Variants in FBXO47 observed in about 807,000 individuals in gnomAD.
FBXO47 encodes F-box only protein 47.
A neutral mutation model predicts 53.9 loss-of-function variants in FBXO47; 34 were observed. The observed-to-expected ratio is 0.63, with a 90% CI of 0.48 to 0.84. The LOEUF (loss-of-function observed/expected upper bound fraction) is 0.84. Among genes scored for constraint, FBXO47 ranks in the 40% least tolerant of loss-of-function variants. The pLI is 0.00. For missense variants in FBXO47, 485 were observed against 541.3 expected (o/e 0.90, Z 1.03); for synonymous variants, 165 against 181.6 (o/e 0.91, Z 0.73).
At chr17:38,965,709 T>TAAAAAAAAAAAAAA in intron 1 of FBXO47, among the ~76,000 whole-genome samples, 2 of 61,616 alleles carry the variant, frequency 3.2e-5, no homozygotes, top group African/African-American at 6.1e-5. Flanking sequence ...CCTTCTCTAC[T>TAAAAAAAAAAAAAA]AAAAAAAAAA....
chr17:38,950,270 A>C (rs1038173101), intron 6 of FBXO47, among the ~76,000 whole-genome samples: 1 of 151,782 alleles, frequency 6.6e-6, no homozygotes, highest in African/African-American at 2.4e-5. Context: ...AGAATCATGT[A>C]ATATTTGTCC....
In FBXO47 at chr17:38,945,610, C is replaced by T. The variant is rs149457418; in HGVS notation, c.617-474G>A. 8.9e-3 allele frequency among the ~76,000 whole-genome samples: 1,349 copies of T among 151,928 alleles called. 26 individuals carry two copies. Among genetic ancestry groups the T allele is most frequent in the African/African-American group, 0.031 (1,304 of 41,422 alleles). ...GGTCAGGAGTTCAAGACCAGCCTGG[C>T]CAATATGGCGAAACCCTGTCTCTAC... On this transcript the variant is annotated intron_variant, in intron 6 of 10. Transcript: ENST00000378079.
chr17:38,941,583 C>T (rs1459246267), intron 9 of FBXO47, among the ~76,000 whole-genome samples: 1 of 141,814 alleles, frequency 7.1e-6, no homozygotes, highest in African/African-American at 2.6e-5. Context: ...GCACTCAATA[C>T]AAATTTGTGT....
chr17:38,942,804 C>A lies in FBXO47; in HGVS notation c.1057G>T (p.Ala353Ser), dbSNP rs930005133. The A allele has an allele frequency of 1.2e-6, 2 of 1,611,058 alleles. No homozygotes were observed. The highest frequency in any genetic ancestry group is 1.1e-5 in the South Asian group (1 of 90,192). Reference protein sequence around the residue: ...KAVNGRTIELARLVVFLALVC... With the variant: ...KAVNGRTIELSRLVVFLALVC... ...AAAGCCAAAAAGACTACGAGCCTTG[C>A]CAGTTCAATGGTGCGTCCATTCACA... The change falls in exon 9 of 11, where the codon GCA (alanine) becomes TCA (serine). Residue 353 changes from alanine to serine, a missense_variant. Ala to Ser is a moderately conservative substitution (Grantham distance 99). Transcript: ENST00000378079.
intron 6 of FBXO47, among the ~76,000 whole-genome samples, chr17:38,946,387 T>G (rs1414485794): frequency 2.2e-5 from 2 of 92,432 alleles, no homozygotes; most frequent in Admixed American, 1.7e-4. Flanking sequence ...TATAAATATA[T>G]ATATCTATAT....
intron 1 of FBXO47, among the ~76,000 whole-genome samples, chr17:38,965,726 A>AAAAAAAAAAG (rs1906076454): frequency 7.0e-6 from 1 of 143,174 alleles, no homozygotes; most frequent in Non-Finnish European, 1.5e-5. Context: ...AAAAAAAAAA[A>AAAAAAAAAAG]AAAAAAATTA....
At chr17:38,937,377 GAC>G (rs143729849) in intron 10 of FBXO47, 87 bp from the exon 11 acceptor site, 314 of 448,524 alleles carry the variant, frequency 7.0e-4, no homozygotes, top group African/African-American at 6.0e-3. Flanking sequence ...TAATTTTTGA[GAC>G]ACAGTCTCCC....
At chr17:38,937,603 C>T (rs577813405) in intron 10 of FBXO47, among the ~76,000 whole-genome samples, 5 of 151,934 alleles carry the variant, frequency 3.3e-5, no homozygotes, top group African/African-American at 7.3e-5. Flanking sequence ...GTGATCCACC[C>T]GCCTTATACG....
At chr17:38,958,019 C>T (rs768664291) in intron 3 of FBXO47, among the ~76,000 whole-genome samples, 7 of 151,982 alleles carry the variant, frequency 4.6e-5, no homozygotes, top group African/African-American at 1.2e-4. Context: ...TTTTTAGTGA[C>T]GAGGTTTCAC....
chr17:38,945,292 C>T (rs961164576), intron 6 of FBXO47, among the ~76,000 whole-genome samples, 156 bp from the exon 7 acceptor site: 16 of 152,048 alleles, frequency 1.1e-4, no homozygotes, highest in African/African-American at 3.6e-4. Context: ...CTTAAACTCC[C>T]CTAACTTCAT....
chr17:38,939,293 CAAAAAAAAAAAAAAAAA>C (rs1218321299), intron 9 of FBXO47, among the ~76,000 whole-genome samples: 1 of 34,862 alleles, frequency 2.9e-5, no homozygotes, highest in Non-Finnish European at 4.4e-5. Context: ...ACTCCATCTC[CAAAAAAAAAAAAAAAAA>C]AAAAAAAAAA....
At chr17:38,941,800 A>T (rs1904525408) in intron 9 of FBXO47, among the ~76,000 whole-genome samples, 1 of 151,110 alleles carries the variant, frequency 6.6e-6, no homozygotes, top group South Asian at 2.1e-4. Context: ...CAGCCTCCTG[A>T]GTAGCTGGGA....
chr17:38,964,664 A>AAAAC (rs370428806), intron 1 of FBXO47, among the ~76,000 whole-genome samples: 46 of 152,130 alleles, frequency 3.0e-4, no homozygotes, highest in East Asian at 1.7e-3. Context: ...TTGGTCTCGA[A>AAAAC]AAACAAACAA....
chr17:38,945,793 G>A (rs1055971346), intron 6 of FBXO47, among the ~76,000 whole-genome samples: 20 of 151,162 alleles, frequency 1.3e-4, no homozygotes, highest in Admixed American at 6.0e-4. Context: ...AAAATAAGCC[G>A]GGAGTGATGG....
chr17:38,964,801 T>C (rs908789444), intron 1 of FBXO47, among the ~76,000 whole-genome samples: 1 of 152,190 alleles, frequency 6.6e-6, no homozygotes, highest in Admixed American at 6.5e-5. Flanking sequence ...AAATCACTGA[T>C]TATTTACTTA....
chr17:38,965,726 A>AAAAAAAAAG (rs1906076454), intron 1 of FBXO47, among the ~76,000 whole-genome samples: 1 of 143,174 alleles, frequency 7.0e-6, no homozygotes, highest in African/African-American at 2.5e-5. Flanking sequence ...AAAAAAAAAA[A>AAAAAAAAAG]AAAAAAATTA....
intron 6 of FBXO47, among the ~76,000 whole-genome samples, chr17:38,946,298 ATATATATAAATATATAAAT>A (rs1904809877): frequency 2.0e-5 from 1 of 49,986 alleles, no homozygotes; most frequent in Non-Finnish European, 4.0e-5. Context: ...ATATATAAAA[ATATATATAAATATATAAAT>A]ATATATAAAT....
At chr17:38,953,726 T>C (rs1448866075) in intron 5 of FBXO47, among the ~76,000 whole-genome samples, 3 of 152,152 alleles carry the variant, frequency 2.0e-5, no homozygotes, top group Non-Finnish European at 4.4e-5. Flanking sequence ...GGAAACTCAG[T>C]GGACAAGGAG....
chr17:38,946,442 A>C (rs1420904493), intron 6 of FBXO47, among the ~76,000 whole-genome samples: 41 of 97,672 alleles, frequency 4.2e-4, no homozygotes, highest in Admixed American at 2.6e-3. Flanking sequence ...ATATATGAAT[A>C]TATATAACTA....
Sources: allele counts gnomAD v4.1 joint callset (sites outside exome capture counted in the v4.1 genomes callset), GRCh38; gene constraint gnomAD v4.1.1; transcripts MANE v1.5; gene names NCBI Gene and HGNC (gene_info 2026-07-23, HGNC 2026-07-21).